Variants in THAP10 observed in about 807,000 individuals in gnomAD.
THAP10 encodes the protein THAP domain containing 10.
A neutral mutation model predicts 15.7 loss-of-function variants in THAP10; 10 were observed. That is an observed-to-expected ratio of 0.64 (90% CI 0.39 to 1.08). The LOEUF (loss-of-function observed/expected upper bound fraction) is 1.08. Among genes scored for constraint, THAP10 ranks in the 50% least tolerant of loss-of-function variants. The pLI is 0.01. For missense variants in THAP10, 310 were observed against 330.9 expected (o/e 0.94, Z 0.49); for synonymous variants, 127 against 129.1 (o/e 0.98, Z 0.11).
At chr15:70,885,620 G>A (rs2033386063) in intron 1 of THAP10, among the ~76,000 whole-genome samples, 1 of 152,196 alleles carries the variant, frequency 6.6e-6, no homozygotes, top group Non-Finnish European at 1.5e-5. Context: ...GAAAGCTGGT[G>A]TTGCTATATT....
At chr15:70,882,948 C>G in intron 1 of THAP10, 40 bp from the exon 2 acceptor site, 1 of 1,604,210 alleles carries the variant, frequency 6.2e-7, no homozygotes, top group Non-Finnish European at 8.5e-7. Context: ...TTAAAGTGTA[C>G]CTTATAGGAT....
intron 1 of THAP10, among the ~76,000 whole-genome samples, chr15:70,886,871 GA>G (rs533682325): frequency 0.056 from 7,697 of 137,536 alleles, 250 homozygotes; most frequent in African/African-American, 0.11. Flanking sequence ...GTCTAAAAAA[GA>G]AAAAAAAAAA....
chr15:70,888,985 T>C (rs988862537), intron 1 of THAP10, among the ~76,000 whole-genome samples: 19 of 152,198 alleles, frequency 1.2e-4, no homozygotes, highest in African/African-American at 4.3e-4. Flanking sequence ...ATGGAAACTA[T>C]CAAACTTGTG....
chr15:70,883,760 T>C (rs1793824899), intron 1 of THAP10, among the ~76,000 whole-genome samples: 2 of 151,522 alleles, frequency 1.3e-5, no homozygotes, highest in African/African-American at 4.9e-5. Flanking sequence ...GTTCAAGCAA[T>C]TGTCGTGCCT....
intron 1 of THAP10, among the ~76,000 whole-genome samples, chr15:70,887,812 A>G (rs1449672774): frequency 6.6e-6 from 1 of 152,206 alleles, no homozygotes; most frequent in African/African-American, 2.4e-5. Context: ...ATTTTTGTAC[A>G]TGTATAAAAT....
rs115946645 is a variant in THAP10 at position 70,887,555 on chromosome 15, C to G, written c.429+4289G>C. Among the ~76,000 whole-genome samples the G allele has an allele frequency of 2.9e-3, 444 of 152,084 alleles. 5 individuals are homozygous for G. Among genetic ancestry groups the G allele is most frequent in the African/African-American group, 0.01 (433 of 41,504 alleles). ...CAGAACAACCATTTGATAAAATTCACCATTATTTATAATCTAAACTAGAAA... is the reference window on the plus strand; with the variant it reads ...CAGAACAACCATTTGATAAAATTCAGCATTATTTATAATCTAAACTAGAAA... On this transcript the variant is annotated intron_variant, in intron 1 of 2. Transcript: ENST00000249861.
chr15:70,891,532 A>C (rs982165482), intron 1 of THAP10, among the ~76,000 whole-genome samples: 7 of 151,616 alleles, frequency 4.6e-5, no homozygotes, highest in African/African-American at 1.2e-4. Flanking sequence ...TGGAGCAGCG[A>C]GTGAAAGCAA....
intron 1 of THAP10, among the ~76,000 whole-genome samples, chr15:70,888,884 G>T (rs1002475413): frequency 6.6e-6 from 1 of 152,064 alleles, no homozygotes; most frequent in African/African-American, 2.4e-5. Flanking sequence ...AGTAATCGGG[G>T]GATGAAAAGC....
intron 1 of THAP10, 79 bp from the exon 2 acceptor site, chr15:70,882,987 G>A: frequency 6.8e-7 from 1 of 1,476,172 alleles, no homozygotes; most frequent in Non-Finnish European, 9.2e-7. Context: ...CAAGTAGTAA[G>A]ACAGTATAGC....
Position 70,892,138 on chromosome 15 carries a change from G to A in THAP10, c.135C>T (p.Tyr45=), listed in dbSNP as rs200920697. The change falls in exon 1 of 3, where the codon TAC becomes TAT. Residue 45 remains tyrosine, a synonymous_variant. Coordinates refer to ENST00000249861, the MANE Select transcript of THAP10 (RefSeq NM_020147.4). ...RFVRGCRADW[Y]GGNDRSVICS... The stretch of plus-strand genomic sequence containing the variant: ...AGATGACCGAGCGGTCATTGCCTCC[G>A]TACCAGTCGGCGCGGCAACCCCGCA... 7.4e-5 allele frequency: 120 copies of A among 1,613,460 alleles called. No homozygotes were observed. Among genetic ancestry groups the A allele is most frequent in the Non-Finnish European group, 8.4e-5 (99 of 1,179,818 alleles).
intron 1 of THAP10, among the ~76,000 whole-genome samples, 183 bp from the exon 2 acceptor site, chr15:70,883,091 C>G: frequency 6.6e-6 from 1 of 152,040 alleles, no homozygotes; most frequent in East Asian, 1.9e-4. Flanking sequence ...GCCATATTGT[C>G]TTTTTTCCAC....
At chr15:70,883,971 T>A (rs973518969) in intron 1 of THAP10, among the ~76,000 whole-genome samples, 23 of 152,066 alleles carry the variant, frequency 1.5e-4, no homozygotes, top group Admixed American at 6.6e-4. Flanking sequence ...ATTTGATTTG[T>A]AGGGGAACTA....
At chr15:70,891,409 T>C (rs1008597110) in intron 1 of THAP10, among the ~76,000 whole-genome samples, 5 of 152,128 alleles carry the variant, frequency 3.3e-5, no homozygotes, top group Admixed American at 6.6e-5. Context: ...GCCCCATCAT[T>C]TGTGACACAA....
intron 1 of THAP10, among the ~76,000 whole-genome samples, chr15:70,891,240 A>T (rs2033552089): frequency 6.6e-6 from 1 of 152,200 alleles, no homozygotes; most frequent in Non-Finnish European, 1.5e-5. Flanking sequence ...AAGGAACAGA[A>T]AAGTAGGCAG....
chr15:70,882,681 G>A, intron 2 of THAP10, 31 bp from the exon 3 acceptor site: 3 of 1,611,184 alleles, frequency 1.9e-6, no homozygotes, highest in Non-Finnish European at 2.5e-6. Context: ...GTACCTATGA[G>A]TTAGACTTTG....
intron 1 of THAP10, among the ~76,000 whole-genome samples, chr15:70,889,991 G>C (rs1370176300): frequency 1.3e-5 from 2 of 152,122 alleles, no homozygotes; most frequent in Non-Finnish European, 2.9e-5. Flanking sequence ...CAGTTTTCTA[G>C]TAATTCAGCA....
intron 1 of THAP10, 132 bp from the exon 2 acceptor site, chr15:70,883,040 C>A: frequency 1.2e-6 from 1 of 808,990 alleles, no homozygotes; most frequent in African/African-American, 1.7e-5. Context: ...ATATTTGAAC[C>A]TAGGCAAGGT....
chr15:70,886,489 G>A (rs1734153639), intron 1 of THAP10, among the ~76,000 whole-genome samples: 3 of 152,020 alleles, frequency 2.0e-5, no homozygotes, highest in African/African-American at 7.3e-5. Flanking sequence ...GCAGAGGAAG[G>A]GAATAATGAA....
In THAP10 at chr15:70,892,296, A is replaced by AGCCG; in HGVS notation, c.-28_-25dup. 2 of 1,551,672 alleles carry AGCCG rather than the reference A, an allele frequency of 1.3e-6. No homozygotes were observed. Among genetic ancestry groups the AGCCG allele is most frequent in the Non-Finnish European group, 1.7e-6 (2 of 1,147,402 alleles). Reference sequence around the variant, plus strand: ...ATGGCGGCCGTCTTCGGTGCGCGGGAGCCGGGTTCCCTGGACCTTCGCCCT... The same window carrying AGCCG: ...ATGGCGGCCGTCTTCGGTGCGCGGGAGCCGGCCGGGTTCCCTGGACCTTCGCCCT... On this transcript the variant is annotated 5_prime_UTR_variant, in exon 1 of 3. Coordinates refer to ENST00000249861, the MANE Select transcript of THAP10 (RefSeq NM_020147.4).
Sources: gnomAD v4.1 joint callset for allele counts (sites outside exome capture counted in the v4.1 genomes callset) on GRCh38, gnomAD v4.1.1 for gene constraint, MANE v1.5 for transcripts, NCBI Gene and HGNC (gene_info 2026-07-23, HGNC 2026-07-21) for gene names.